CTPS1: variants seen among roughly 807,000 people sequenced by gnomAD.
The protein encoded by CTPS1 is CTP synthetase 1.
Under a neutral mutation model 80.5 loss-of-function variants are expected in CTPS1, and 25 were observed. The observed-to-expected ratio is 0.31, with a 90% CI of 0.23 to 0.43. CTPS1 has a LOEUF of 0.43. Among genes scored for constraint, CTPS1 ranks in the 20% least tolerant of loss-of-function variants. The pLI is 1.00. For synonymous variants in CTPS1, 267 were observed against 252.5 expected (o/e 1.06, Z -0.54); for missense variants, 442 against 725.7 (o/e 0.61, Z 4.49).
chr1:40,987,594 A>G (rs1221163769), intron 4 of CTPS1, 122 bp downstream of exon 4: 18 of 680,034 alleles, frequency 2.6e-5, no homozygotes, highest in East Asian at 1.7e-4. Flanking sequence ...GTATGTTGCA[A>G]TGTGGCAGGT....
rs749129625 is a variant in CTPS1 at position 41,008,639 on chromosome 1, C to T, written c.1394-20C>T. On this transcript the variant is annotated intron_variant, in intron 14 of 18. Transcript: ENST00000650070. Reference sequence around the variant, plus strand: ...CCTGTGAGATAAAGTTCTTTACATACAGCCCGTTTGTTTTGCCAGGGAAAC... The same window carrying T: ...CCTGTGAGATAAAGTTCTTTACATATAGCCCGTTTGTTTTGCCAGGGAAAC... 6.2e-7 allele frequency: 1 copy of T among 1,613,684 alleles called. No individual in the cohort carries two copies. The highest frequency in any genetic ancestry group is 8.5e-7 in the Non-Finnish European group (1 of 1,179,564).
chr1:40,995,829 A>C, intron 7 of CTPS1, 88 bp from the exon 8 acceptor site: 1 of 1,329,664 alleles, frequency 7.5e-7, no homozygotes, highest in Non-Finnish European at 1.0e-6. Flanking sequence ...CAAATACATA[A>C]TATTTTTACA....
In CTPS1 at chr1:40,987,445, C is replaced by T. The variant is rs1642484660; in HGVS notation, c.411C>T (p.Gly137=). The T allele has an allele frequency of 5.6e-6, 9 of 1,613,262 alleles. No individual in the cohort carries two copies. The highest frequency in any genetic ancestry group is 7.6e-6 in the Non-Finnish European group (9 of 1,179,298). Residue 137 remains glycine (G), a synonymous_variant, in exon 4 of 19, where the codon GGC becomes GGT. Coordinates refer to ENST00000650070, the MANE Select transcript of CTPS1 (RefSeq NM_001905.4). ...CGTTAATACCTGTAGATGAAGATGG[C>T]CTGGAACCTCAAGTGTGTGTTATTG... ...RQALIPVDED[G]LEPQVCVIEL...
chr1:41,007,407 G>A lies in CTPS1; in HGVS notation c.1297-42G>A. 1 of 1,572,232 alleles carries A rather than the reference G, an allele frequency of 6.4e-7. No individual in the cohort carries two copies. Among genetic ancestry groups the A allele is most frequent in the Non-Finnish European group, 8.7e-7 (1 of 1,142,918 alleles). ...CGAGGGAGGTTTCTCTCTAGCGGAA[G>A]CAGAGTTCTGTAGTTGGTGTCTGTT... On this transcript the variant is annotated intron_variant, in intron 13 of 18. Coordinates refer to ENST00000650070, the MANE Select transcript of CTPS1 (RefSeq NM_001905.4). The surrounding 1 kb of genome is among the most constrained non-coding windows in gnomAD (Gnocchi z 4.4).
intron 9 of CTPS1, among the ~76,000 whole-genome samples, chr1:40,997,978 C>A (rs535971813): frequency 2.0e-5 from 3 of 152,268 alleles, no homozygotes; most frequent in Non-Finnish European, 4.4e-5. Flanking sequence ...GGATGCAGGG[C>A]AGGCACTCAG....
In CTPS1 at chr1:41,003,099, C is replaced by G; in HGVS notation, c.1190-15C>G. The G allele has an allele frequency of 6.2e-7, 1 of 1,613,084 alleles. No individual in the cohort carries two copies. The highest frequency in any genetic ancestry group is 8.5e-7 in the Non-Finnish European group (1 of 1,179,300). ...TTCAATGGAGTTTTGTTTGTTTTTTCCCCCCGACTGGAAGGCGTGTGCTTA... is the reference window on the plus strand; with the variant it reads ...TTCAATGGAGTTTTGTTTGTTTTTTGCCCCCGACTGGAAGGCGTGTGCTTA... On this transcript the variant is annotated splice_polypyrimidine_tract_variant and intron_variant, in intron 11 of 18. Transcript: ENST00000650070.
intron 7 of CTPS1, among the ~76,000 whole-genome samples, chr1:40,995,640 C>T (rs1441360634): frequency 6.6e-6 from 1 of 152,128 alleles, no homozygotes; most frequent in African/African-American, 2.4e-5. Flanking sequence ...CTCGAGCAAT[C>T]CTCCTGCCAT....
chr1:40,993,774 C>CTTTTT lies in CTPS1; in HGVS notation c.720+1947_720+1951dup, dbSNP rs71278720. ...GCCTTGTCTTTTCATTTTCTTCTCT[C>CTTTTT]TTTTTTTTTTTTTTTTTTTTTTGAG... On this transcript the variant is annotated intron_variant, in intron 7 of 18. Coordinates refer to ENST00000650070, the MANE Select transcript of CTPS1 (RefSeq NM_001905.4). 2.7e-3 allele frequency among the ~76,000 whole-genome samples: 232 copies of CTTTTT among 85,772 alleles called. 1 individual carries two copies. The highest frequency in any genetic ancestry group is 3.9e-3 in the Non-Finnish European group (174 of 44,464). 56.3% of individuals were successfully genotyped at this position (85,772 alleles called of 152,430 possible).
In CTPS1 at chr1:41,007,717, C is replaced by T. The variant is rs1643069741; in HGVS notation, c.1393+172C>T. Reference sequence around the variant, plus strand: ...ACCCTTTTAGGATGCACTGTGATAGCCATAGAAGCAGTGTGGGTCTTAGAA... The same window carrying T: ...ACCCTTTTAGGATGCACTGTGATAGTCATAGAAGCAGTGTGGGTCTTAGAA... On this transcript the variant is annotated intron_variant, in intron 14 of 18. Coordinates refer to ENST00000650070, the MANE Select transcript of CTPS1 (RefSeq NM_001905.4). The surrounding 1 kb of genome is among the most constrained non-coding windows in gnomAD (Gnocchi z 4.4). Among the ~76,000 whole-genome samples, 1 of 152,170 alleles carries T rather than the reference C, an allele frequency of 6.6e-6. No homozygotes were observed. Among genetic ancestry groups the T allele is most frequent in the South Asian group, 2.1e-4 (1 of 4,832 alleles).
chr1:40,996,841 A>G (rs57734798), intron 8 of CTPS1, among the ~76,000 whole-genome samples: 11,785 of 152,124 alleles, frequency 0.077, 586 homozygotes, highest in South Asian at 0.13. Context: ...GGACTTTTCT[A>G]TTTTGTGAAT....
At chr1:41,009,332 AT>A in intron 16 of CTPS1, 112 bp from the exon 17 acceptor site, 1 of 1,118,620 alleles carries the variant, frequency 8.9e-7, no homozygotes. Flanking sequence ...TGAGAAAGTC[AT>A]TTTCAAATTA....
At chr1:40,998,505 C>A (rs547671262) in intron 9 of CTPS1, among the ~76,000 whole-genome samples, 21 of 151,946 alleles carry the variant, frequency 1.4e-4, no homozygotes, top group African/African-American at 1.9e-4. Flanking sequence ...ACTTACTTAA[C>A]CCTCTTTGTG....
At chr1:40,986,193 G>T (rs1642447963) in intron 3 of CTPS1, among the ~76,000 whole-genome samples, 1 of 152,256 alleles carries the variant, frequency 6.6e-6, no homozygotes, top group Non-Finnish European at 1.5e-5. Flanking sequence ...ACCAAGTGGA[G>T]TGAGGACAGA....
chr1:41,002,552 C>T (rs1422981820), intron 11 of CTPS1, among the ~76,000 whole-genome samples: 1 of 152,216 alleles, frequency 6.6e-6, no homozygotes, highest in Non-Finnish European at 1.5e-5. Context: ...TTTATATCTG[C>T]TCACTTGGCA....
In CTPS1 at chr1:41,007,363, G is replaced by C. The variant is rs1050974018; in HGVS notation, c.1297-86G>C. 2 of 1,117,568 alleles carry C rather than the reference G, an allele frequency of 1.8e-6. No individual in the cohort carries two copies. The highest frequency in any genetic ancestry group is 2.7e-6 in the Non-Finnish European group (2 of 744,120). The allele number at this position is 1,117,568 out of a possible 1,614,324, so 69.2% of individuals were successfully genotyped here. ...CTGGAGAATTAGAGCTTACTTACAA[G>C]CCTTTGCCACCCACTCAGCGAGGGA... On this transcript the variant is annotated intron_variant, in intron 13 of 18. Coordinates refer to ENST00000650070, the MANE Select transcript of CTPS1 (RefSeq NM_001905.4). This position sits in a 1 kb window ranked among gnomAD's most constrained non-coding sequence, Gnocchi z 4.4.
chr1:40,991,774 A>C lies in CTPS1; in HGVS notation c.649A>C (p.Arg217=), dbSNP rs752058241. The C allele has an allele frequency of 6.2e-7, 1 of 1,613,366 alleles. No homozygotes were observed. ...TGTTCTCTACTGCTAGGTTGTATGC[A>C]GGTGCTCAAATCCACTTGACACATC... ...LGLSPDLVVC[R]CSNPLDTSVK... is the part of the protein sequence containing the mutation. The change falls in exon 7 of 19, where the codon AGG becomes CGG. Residue 217 remains arginine, a synonymous_variant. Coordinates refer to ENST00000650070, the MANE Select transcript of CTPS1 (RefSeq NM_001905.4).
intron 10 of CTPS1, 80 bp from the exon 11 acceptor site, chr1:41,002,080 G>A (rs1642916916): frequency 8.1e-7 from 1 of 1,234,614 alleles, no homozygotes; most frequent in African/African-American, 1.5e-5. Flanking sequence ...CAGTGTCTTG[G>A]TAATGGCCCG....
At chr1:40,993,072 T>G (rs12724936) in intron 7 of CTPS1, among the ~76,000 whole-genome samples, 6 of 151,944 alleles carry the variant, frequency 3.9e-5, no homozygotes, top group African/African-American at 1.4e-4. Context: ...TTTTTTGAGA[T>G]GGAGTTTTCA....
intron 4 of CTPS1, among the ~76,000 whole-genome samples, chr1:40,987,724 G>T (rs971155660): frequency 3.9e-5 from 6 of 152,180 alleles, no homozygotes; most frequent in Admixed American, 2.6e-4. Flanking sequence ...CCCATGAGTA[G>T]TGTGACACAT....
Sources: allele counts gnomAD v4.1 joint callset (sites outside exome capture counted in the v4.1 genomes callset), GRCh38; gene constraint gnomAD v4.1.1; non-coding constraint Gnocchi (gnomAD v3.1); transcripts MANE v1.5; gene names NCBI Gene and HGNC (gene_info 2026-07-23, HGNC 2026-07-21).